NRXN1: variants seen among roughly 807,000 people sequenced by gnomAD.
NRXN1 encodes the protein neurexin 1.
A neutral mutation model predicts 150.9 loss-of-function variants in NRXN1; 39 were observed. The ratio of observed to expected loss-of-function variants is 0.26; its 90% CI spans 0.20 to 0.34. NRXN1 has a LOEUF of 0.34. NRXN1 is among the 10% of genes least tolerant of loss of function. The pLI is 1.00. For synonymous variants in NRXN1, 924 were observed against 757.0 expected (o/e 1.22, Z -3.62); for missense variants, 1,815 against 1,949.9 (o/e 0.93, Z 1.30).
Position 50,347,473 on chromosome 2 carries a change from C to G in NRXN1, c.3365-110503G>C, listed in dbSNP as rs2078109494. 9.3e-7 allele frequency: 1 copy of G among 1,077,200 alleles called. No individual in the cohort carries two copies. 66.7% of individuals were successfully genotyped at this position (1,077,200 alleles called of 1,614,324 possible). A position where few individuals can be genotyped will look rare whatever the true frequency, so the allele number is the denominator to read the frequency against. On this transcript the variant is annotated intron_variant, in intron 17 of 22. Transcript: ENST00000401669. The surrounding 1 kb of genome is among the most constrained non-coding windows in gnomAD (Gnocchi z 4.9). ...CTCCTTTCAAGACAGAAGCAGACCC[C>G]ATGGAATCCAGGCGCCCCTTCCCTC...
At chr2:50,319,575 G>A (rs1201839726) in intron 17 of NRXN1, among the ~76,000 whole-genome samples, 4 of 151,980 alleles carry the variant, frequency 2.6e-5, no homozygotes, top group African/African-American at 7.3e-5. Flanking sequence ...TCAATTAATA[G>A]CACTAATTTA....
At chr2:50,159,370 G>A (rs976386009) in intron 18 of NRXN1, among the ~76,000 whole-genome samples, 1 of 151,954 alleles carries the variant, frequency 6.6e-6, no homozygotes, top group Non-Finnish European at 1.5e-5. Flanking sequence ...GTTATTTGGA[G>A]GATTATAAAC....
At chr2:50,557,792 G>A (rs1297103380) in intron 8 of NRXN1, among the ~76,000 whole-genome samples, 1 of 152,094 alleles carries the variant, frequency 6.6e-6, no homozygotes, top group Non-Finnish European at 1.5e-5. Flanking sequence ...TCATAACAAA[G>A]GTAACAGCTA....
intron 5 of NRXN1, chr2:50,919,346 C>T (rs1685661703): frequency 6.6e-6 from 1 of 151,690 alleles, no homozygotes; most frequent in South Asian, 2.1e-4. Flanking sequence ...AGAAGGTTAT[C>T]AAAAGGCATG....
intron 19 of NRXN1, among the ~76,000 whole-genome samples, chr2:50,090,397 TC>T (rs1265443530): frequency 6.6e-6 from 1 of 152,168 alleles, no homozygotes; most frequent in African/African-American, 2.4e-5. Context: ...TTATACTTTT[TC>T]TTTATACTGT....
chr2:50,563,438 C>G (rs1228390189), intron 8 of NRXN1, among the ~76,000 whole-genome samples: 1 of 152,170 alleles, frequency 6.6e-6, no homozygotes, highest in African/African-American at 2.4e-5. Context: ...TGCGCTAATT[C>G]TATTCCAATA....
intron 18 of NRXN1, among the ~76,000 whole-genome samples, chr2:50,236,249 C>T (rs1443574540): frequency 7.2e-5 from 11 of 152,136 alleles, no homozygotes; most frequent in Non-Finnish European, 1.6e-4. Context: ...TTTCCTGACA[C>T]GTATCAAAAT....
At chr2:50,161,493 A>T (rs1163447122) in intron 18 of NRXN1, among the ~76,000 whole-genome samples, 1 of 152,134 alleles carries the variant, frequency 6.6e-6, no homozygotes, top group Non-Finnish European at 1.5e-5. Context: ...CTTCTTGGGT[A>T]AGGGGCATCC....
chr2:50,422,424 G>A (rs1238598036), intron 17 of NRXN1, among the ~76,000 whole-genome samples: 1 of 152,068 alleles, frequency 6.6e-6, no homozygotes, highest in Non-Finnish European at 1.5e-5. Context: ...AAATAAAATT[G>A]TTTGCATTAG....
chr2:50,964,517 G>T (rs942627230), intron 2 of NRXN1, among the ~76,000 whole-genome samples: 6 of 151,486 alleles, frequency 4.0e-5, no homozygotes, highest in South Asian at 4.2e-4. Context: ...GTCCTATTAT[G>T]AAAATCTAAC....
At chr2:49,951,532 T>C (rs1673961475) in intron 21 of NRXN1, among the ~76,000 whole-genome samples, 1 of 151,968 alleles carries the variant, frequency 6.6e-6, no homozygotes, top group South Asian at 2.1e-4. Context: ...CTCCAAAGAC[T>C]GCTGGTAATG....
At chr2:50,826,550 A>G (rs889769072) in intron 5 of NRXN1, among the ~76,000 whole-genome samples, 3 of 152,270 alleles carry the variant, frequency 2.0e-5, no homozygotes, top group Non-Finnish European at 4.4e-5. Flanking sequence ...AATTCGGGAT[A>G]CATTTTGGAA....
chr2:50,094,433 C>G (rs1270723081), intron 18 of NRXN1, among the ~76,000 whole-genome samples: 1 of 152,090 alleles, frequency 6.6e-6, no homozygotes, highest in East Asian at 1.9e-4. Context: ...TTCCCTATCT[C>G]AAGTGCAGGA....
chr2:50,637,998 CT>C, intron 5 of NRXN1, among the ~76,000 whole-genome samples: 1 of 152,166 alleles, frequency 6.6e-6, no homozygotes, highest in South Asian at 2.1e-4. Flanking sequence ...TTGTGACAAG[CT>C]TTATTTCAAT....
intron 17 of NRXN1, among the ~76,000 whole-genome samples, chr2:50,310,279 T>C (rs2075066105): frequency 6.6e-6 from 1 of 152,160 alleles, no homozygotes; most frequent in Non-Finnish European, 1.5e-5. Context: ...CCCCTTAAAA[T>C]GGGTAACAGG....
chr2:50,631,423 T>C (rs1682299329), intron 5 of NRXN1: 1 of 189,642 alleles, frequency 5.3e-6, no homozygotes, highest in African/African-American at 2.4e-5. Context: ...AGTGCCTTCA[T>C]TTATTAGATG....
chr2:50,997,440 A>T (rs1042492747), intron 2 of NRXN1, among the ~76,000 whole-genome samples: 1 of 106,178 alleles, frequency 9.4e-6, no homozygotes, highest in Non-Finnish European at 1.8e-5. Flanking sequence ...GCAGGTTTTT[A>T]AAATTTTTTG....
chr2:50,882,227 A>C (rs887268404), intron 5 of NRXN1, among the ~76,000 whole-genome samples: 1 of 152,030 alleles, frequency 6.6e-6, no homozygotes, highest in South Asian at 2.1e-4. Flanking sequence ...TATACTTTAA[A>C]TAAAATGTGG....
intron 17 of NRXN1, among the ~76,000 whole-genome samples, chr2:50,444,943 C>T (rs887929203): frequency 2.0e-5 from 3 of 151,644 alleles, no homozygotes; most frequent in Non-Finnish European, 4.4e-5. Context: ...TTTTGGTTCC[C>T]CCTTAAATTT....
Sources: allele counts gnomAD v4.1 joint callset (sites outside exome capture counted in the v4.1 genomes callset), GRCh38; gene constraint gnomAD v4.1.1; non-coding constraint Gnocchi (gnomAD v3.1); transcripts MANE v1.5; gene names NCBI Gene and HGNC (gene_info 2026-07-23, HGNC 2026-07-21).